Variants in GPR55 observed in about 807,000 individuals in gnomAD.
The protein encoded by GPR55 is G protein-coupled receptor 55.
In GPR55, 6 loss-of-function variants were observed where a neutral mutation model predicts 7.9. The ratio of observed to expected loss-of-function variants is 0.76; its 90% CI spans 0.41 to 1.49. GPR55 has a LOEUF of 1.49. Ranked by LOEUF, GPR55 falls within the 40% of genes most tolerant of loss-of-function variation. The pLI, the probability that GPR55 is intolerant of heterozygous loss-of-function variation, is 0.01. For missense variants in GPR55, 376 were observed against 406.0 expected, an observed-to-expected ratio of 0.93 and a Z score of 0.63; for synonymous variants, 183 against 166.8, an observed-to-expected ratio of 1.10 and a Z score of -0.75.
At chr2:230,958,051 A>G in intron 1 of GPR55, 1 of 263,116 alleles carries the variant, frequency 3.8e-6, no homozygotes. Context: ...GCTCTCAATC[A>G]AGTAAATAAA....
chr2:230,909,910 G>A lies in GPR55; in HGVS notation c.*93C>T, dbSNP rs550026163. ...GGAAGCACATCAGTGAAGATGGTGC[G>A]GATCATCCCACCACATCAAAACCCT... On this transcript the variant is annotated 3_prime_UTR_variant, in exon 2 of 2. Transcript: ENST00000650999. The A allele has an allele frequency of 5.6e-5, 69 of 1,243,020 alleles. No homozygotes were observed. In the East Asian group the frequency reaches 1.4e-3, roughly 25 times the overall value. 77.0% of individuals were successfully genotyped at this position (1,243,020 alleles called of 1,614,324 possible). A position where few individuals can be genotyped will look rare whatever the true frequency, so the allele number is the denominator to read the frequency against.
intron 1 of GPR55, among the ~76,000 whole-genome samples, chr2:230,918,827 T>C (rs3098322): frequency 0.51 from 78,105 of 152,012 alleles, 23,130 homozygotes; most frequent in African/African-American, 0.84. Context: ...AATAGTTTTT[T>C]GAGTTATTTA....
chr2:230,914,222 A>C (rs1690659176), intron 1 of GPR55, among the ~76,000 whole-genome samples: 1 of 152,244 alleles, frequency 6.6e-6, no homozygotes, highest in Admixed American at 6.5e-5. Flanking sequence ...AAAGCACACA[A>C]CCTCAGGTGC....
chr2:230,960,461 TG>T (rs1691550594), intron 1 of GPR55, among the ~76,000 whole-genome samples: 1 of 152,164 alleles, frequency 6.6e-6, no homozygotes, highest in Admixed American at 6.5e-5. Flanking sequence ...GTCTTACTTT[TG>T]TTACTCAGAT....
intron 1 of GPR55, among the ~76,000 whole-genome samples, chr2:230,943,079 AG>A (rs1004087622): frequency 4.2e-4 from 58 of 137,030 alleles, no homozygotes; most frequent in African/African-American, 1.2e-3. Context: ...AGAGAGAGAG[AG>A]GAGAGAAAGA....
chr2:230,911,208 A>G (rs1295487861), intron 1 of GPR55, 112 bp from the exon 2 acceptor site: 3 of 495,754 alleles, frequency 6.1e-6, no homozygotes, highest in South Asian at 3.6e-5. Context: ...TCTACCATAC[A>G]CACATTTTTC....
chr2:230,937,203 A>G (rs1296747829), intron 1 of GPR55, among the ~76,000 whole-genome samples: 1 of 151,908 alleles, frequency 6.6e-6, no homozygotes, highest in East Asian at 1.9e-4. Flanking sequence ...GGAGTTTGAG[A>G]CCTACCTGGT....
chr2:230,938,641 C>T (rs906084511), intron 1 of GPR55, among the ~76,000 whole-genome samples: 1 of 152,294 alleles, frequency 6.6e-6, no homozygotes, highest in Non-Finnish European at 1.5e-5. Flanking sequence ...TCACCAGCTC[C>T]GGAAAATCCG....
At chr2:230,952,089 A>AG (rs1289967050) in intron 1 of GPR55, among the ~76,000 whole-genome samples, 6 of 151,958 alleles carry the variant, frequency 3.9e-5, no homozygotes, top group African/African-American at 4.8e-5. Flanking sequence ...TTGGAGAGGG[A>AG]GGGGGGGTTA....
At chr2:230,942,158 C>G (rs1254627141) in intron 1 of GPR55, among the ~76,000 whole-genome samples, 2 of 152,198 alleles carry the variant, frequency 1.3e-5, no homozygotes, top group East Asian at 3.8e-4. Context: ...TCAGAACCAA[C>G]AGAACAGCAA....
intron 1 of GPR55, among the ~76,000 whole-genome samples, chr2:230,943,078 G>A (rs1691258803): frequency 7.3e-6 from 1 of 137,334 alleles, no homozygotes; most frequent in African/African-American, 2.6e-5. Context: ...AAGAGAGAGA[G>A]AGGAGAGAAA....
In GPR55 at chr2:230,924,734, A is replaced by C. The variant is rs2918008; in HGVS notation, c.-135+434T>G. The C allele has an allele frequency of 0.029, 4,377 of 151,812 alleles. 90 individuals are homozygous for C. The highest frequency in any genetic ancestry group is 0.082 in the Middle Eastern group (24 of 292). The allele number at this position is 151,812 out of a possible 1,614,324, so 9.4% of individuals were successfully genotyped here. On this transcript the variant is annotated intron_variant, in intron 1 of 1. Coordinates refer to ENST00000650999, the MANE Select transcript of GPR55 (RefSeq NM_005683.4). This position sits in a 1 kb window ranked among gnomAD's most constrained non-coding sequence, Gnocchi z 4.5. ...TCAGGGCTGCAGGATGATCCCTGAG[A>C]GTGTGTCATCTCGGGCGCTTGGTGG...
rs183095784 is a variant in GPR55, at chr2:230,958,691, C to T, written c.-135+2084G>A. On this transcript the variant is annotated intron_variant, in intron 1 of 1. Transcript: ENST00000392039. ...GTCTTTTATTTTATAAACCTAATTTCGATCATTTAGTTAAGGTGATGTCCA... is the reference window on the plus strand; with the variant it reads ...GTCTTTTATTTTATAAACCTAATTTTGATCATTTAGTTAAGGTGATGTCCA... Among the ~76,000 whole-genome samples the T allele has an allele frequency of 1.8e-3, 280 of 152,198 alleles. 1 individual carries two copies. Among genetic ancestry groups the T allele is most frequent in the African/African-American group, 6.5e-3 (268 of 41,516 alleles).
intron 1 of GPR55, among the ~76,000 whole-genome samples, chr2:230,946,326 T>C (rs1302766764): frequency 2.6e-5 from 4 of 152,212 alleles, no homozygotes; most frequent in Admixed American, 1.3e-4. Flanking sequence ...TAGTTCTGTA[T>C]TGTAAACTTG....
chr2:230,930,866 T>C (rs927910318), intron 1 of GPR55, among the ~76,000 whole-genome samples: 36 of 152,236 alleles, frequency 2.4e-4, no homozygotes, highest in African/African-American at 8.2e-4. Context: ...TTCACCCTTC[T>C]GTAGTTTGAG....
chr2:230,927,980 G>A (rs1438005676), upstream of GPR55, among the ~76,000 whole-genome samples: 1 of 152,210 alleles, frequency 6.6e-6, no homozygotes, highest in Non-Finnish European at 1.5e-5. Flanking sequence ...AGGGAACAGG[G>A]GCAGGGGCAA....
At chr2:230,950,864 C>T (rs1006662578) in intron 1 of GPR55, among the ~76,000 whole-genome samples, 1 of 152,018 alleles carries the variant, frequency 6.6e-6, no homozygotes, top group African/African-American at 2.4e-5. Context: ...AGGGTTCTGT[C>T]CTATGCCCTG....
upstream of GPR55, among the ~76,000 whole-genome samples, chr2:230,929,389 G>A (rs1204578711): frequency 6.6e-6 from 1 of 152,168 alleles, no homozygotes; most frequent in Non-Finnish European, 1.5e-5. Context: ...TGGTGGCTGA[G>A]GTCAGTGATG....
At chr2:230,916,091 C>T (rs950627597) in intron 1 of GPR55, among the ~76,000 whole-genome samples, 3 of 151,928 alleles carry the variant, frequency 2.0e-5, no homozygotes, top group African/African-American at 7.3e-5. Context: ...AAGAGATTAT[C>T]TGGCTGGACT....
Sources: gnomAD v4.1 joint callset for allele counts (sites outside exome capture counted in the v4.1 genomes callset) on GRCh38, gnomAD v4.1.1 for gene constraint, Gnocchi (gnomAD v3.1) non-coding constraint, MANE v1.5 for transcripts, NCBI Gene and HGNC (gene_info 2026-07-23, HGNC 2026-07-21) for gene names.